Variants in IPO8 observed in about 807,000 individuals in gnomAD.
IPO8 encodes importin 8, also known as importin-8.
A neutral mutation model predicts 141.2 loss-of-function variants in IPO8; 65 were observed. The observed-to-expected ratio is 0.46, with a 90% CI of 0.38 to 0.57. The LOEUF is 0.57. Among genes scored for constraint, IPO8 ranks in the 20% least tolerant of loss-of-function variants. The pLI, the probability that IPO8 is intolerant of heterozygous loss-of-function variation, is 0.00. For missense variants in IPO8, 980 were observed against 1,246.8 expected, an observed-to-expected ratio of 0.79 and a Z score of 3.22; for synonymous variants, 411 against 420.3, an observed-to-expected ratio of 0.98 and a Z score of 0.27.
In IPO8 at chr12:30,674,847, C is replaced by A; in HGVS notation, c.730-94G>T. 3.6e-6 allele frequency: 3 copies of A among 830,834 alleles called. No individual in the cohort carries two copies. The South Asian group carries it at 4.1e-5, about 11-fold the overall frequency. The allele number at this position is 830,834 out of a possible 1,614,324, so 51.5% of individuals were successfully genotyped here. On this transcript the variant is annotated intron_variant, in intron 6 of 24. Coordinates refer to ENST00000256079, the MANE Select transcript of IPO8 (RefSeq NM_006390.4). ...AGATAAATCTTGATATAGGTTAAGT[C>A]ATATTAAATGTGAAGTTAGATTGCT...
At chr12:30,663,686 AT>A in intron 13 of IPO8, 32 bp from the exon 14 acceptor site, 1 of 1,522,126 alleles carries the variant, frequency 6.6e-7, no homozygotes, top group Non-Finnish European at 8.9e-7. Context: ...GTAGGGAGCT[AT>A]TAGGATTATA....
At chr12:30,656,138 G>A (rs2052796502) in intron 17 of IPO8, among the ~76,000 whole-genome samples, 1 of 152,216 alleles carries the variant, frequency 6.6e-6, no homozygotes, top group Admixed American at 6.5e-5. Flanking sequence ...CCAGGCTCAT[G>A]TGATCCTCCC....
chr12:30,663,946 C>A lies in IPO8; in HGVS notation c.1429-292G>T, dbSNP rs2052924484. 2.0e-5 allele frequency among the ~76,000 whole-genome samples: 3 copies of A among 152,150 alleles called. 1 individual carries two copies. In the South Asian group the frequency reaches 6.2e-4, roughly 32 times the overall value. ...TACGCTTTTAATAAATATTATAACTCATAATTAATTTGTTATATGTAAAAG... is the reference window on the plus strand; with the variant it reads ...TACGCTTTTAATAAATATTATAACTAATAATTAATTTGTTATATGTAAAAG... On this transcript the variant is annotated intron_variant, in intron 13 of 24. Coordinates refer to ENST00000256079, the MANE Select transcript of IPO8 (RefSeq NM_006390.4).
In IPO8 at chr12:30,655,501, A is replaced by G. The variant is rs371190926; in HGVS notation, c.1948+1183T>C. Among the ~76,000 whole-genome samples, 68 of 152,318 alleles carry G rather than the reference A, an allele frequency of 4.5e-4. 1 individual carries two copies. The highest frequency in any genetic ancestry group is 1.5e-3 in the African/African-American group (64 of 41,562). ...TTAGCAATTTTCAAGTATATAATACATGGTTACTAACTATGGTCACCATTT... is the reference window on the plus strand; with the variant it reads ...TTAGCAATTTTCAAGTATATAATACGTGGTTACTAACTATGGTCACCATTT... On this transcript the variant is annotated intron_variant, in intron 17 of 24. Coordinates refer to ENST00000256079, the MANE Select transcript of IPO8 (RefSeq NM_006390.4).
chr12:30,671,895 C>T lies in IPO8; in HGVS notation c.910-799G>A, dbSNP rs575499879. 3.9e-5 allele frequency among the ~76,000 whole-genome samples: 6 copies of T among 152,040 alleles called. No homozygotes were observed. In the South Asian group the frequency reaches 1.2e-3, roughly 32 times the overall value. ...TCCCTCAACTTCACACCAAAATAAA[C>T]TTCAGATGGGGAACTATTTTAACAC... On this transcript the variant is annotated intron_variant, in intron 8 of 24. Coordinates refer to ENST00000256079, the MANE Select transcript of IPO8 (RefSeq NM_006390.4).
At chr12:30,633,906 A>C (rs1166953303) in intron 23 of IPO8, among the ~76,000 whole-genome samples, 177 bp downstream of exon 23, 1 of 152,174 alleles carries the variant, frequency 6.6e-6, no homozygotes, top group Non-Finnish European at 1.5e-5. Context: ...TAGGTGTTTC[A>C]TTATTTTAAT....
chr12:30,656,985 C>T (rs1401653206), intron 16 of IPO8, among the ~76,000 whole-genome samples: 4 of 151,196 alleles, frequency 2.6e-5, no homozygotes, highest in African/African-American at 4.9e-5. Context: ...ATATTTTATA[C>T]CAAAATAAAT....
Position 30,653,491 on chromosome 12 carries a change from T to C in IPO8, c.1949-399A>G, listed in dbSNP as rs145132024. Among the ~76,000 whole-genome samples, 1,016 of 152,166 alleles carry C rather than the reference T, an allele frequency of 6.7e-3. 7 individuals carry two copies. The highest frequency in any genetic ancestry group is 0.023 in the African/African-American group (968 of 41,556). On this transcript the variant is annotated intron_variant, in intron 17 of 24. Coordinates refer to ENST00000256079, the MANE Select transcript of IPO8 (RefSeq NM_006390.4). ...TAATAATATTCTTTGGAGAGCTTAATTATATCAGACTAAAGTATCTACCTA... is the reference window on the plus strand; with the variant it reads ...TAATAATATTCTTTGGAGAGCTTAACTATATCAGACTAAAGTATCTACCTA...
In IPO8 at chr12:30,662,369, A is replaced by C; in HGVS notation, c.1713T>G (p.Ser571Arg). The change falls in exon 15 of 25, where the codon AGT (serine) becomes AGG (arginine). Residue 571 changes from serine (S) to arginine (R), a missense_variant. By Grantham distance (110) the Ser-to-Arg change is moderately radical (BLOSUM62 -1). This residue lies in a region of IPO8 where 924 missense variants were observed against 1,153.9 expected (regional missense o/e 0.80). Coordinates refer to ENST00000256079, the MANE Select transcript of IPO8 (RefSeq NM_006390.4). ...NVIQKMICEY[S>R]QEVASIAVDM... ...CAACAGCAATTGAGGCTACCTCTTG[A>C]CTGTATTCACATATCATCTTCTGGA... 6.2e-7 allele frequency: 1 copy of C among 1,613,872 alleles called. No homozygotes were observed. The highest frequency in any genetic ancestry group is 8.5e-7 in the Non-Finnish European group (1 of 1,179,898).
Position 30,671,083 on chromosome 12 carries a change from A to T in IPO8, c.923T>A (p.Ile308Asn). ...TTCTTTCTGTCTATATTGATCTAAA[A>T]TTTTTAGTAGCACCTATAAGAAAAC... ...AVGIQQVLLKILDQYRQKEYV... is the reference protein window; with the variant it reads ...AVGIQQVLLKNLDQYRQKEYV... The change falls in exon 9 of 25, where the codon ATT (isoleucine) becomes AAT (asparagine). Residue 308 changes from isoleucine to asparagine, a missense_variant. Ile to Asn is a moderately radical substitution (Grantham distance 149). Coordinates refer to ENST00000256079, the MANE Select transcript of IPO8 (RefSeq NM_006390.4). 1 of 1,595,808 alleles carries T rather than the reference A, an allele frequency of 6.3e-7. No homozygotes were observed. The highest frequency in any genetic ancestry group is 8.6e-7 in the Non-Finnish European group (1 of 1,163,884).
rs2053178242 is a variant in IPO8, at chr12:30,680,557, C to A, written c.564G>T (p.Gln188His). Residue 188 changes from glutamine to histidine, a missense_variant, in exon 5 of 25, where the codon CAG becomes CAT. Gln to His is a conservative substitution (Grantham distance 24, BLOSUM62 0). This residue lies in a region of IPO8 where 924 missense variants were observed against 1,153.9 expected (regional missense o/e 0.80). Coordinates refer to ENST00000256079, the MANE Select transcript of IPO8 (RefSeq NM_006390.4). ...FLPRIQQQIV[Q>H]LLPDSSYYSV... ...AATAATAGGAGGAATCAGGAAGGAG[C>A]TGAACAATTTGTTGCTGAATACGAG... 1 of 1,612,340 alleles carries A rather than the reference C, an allele frequency of 6.2e-7. No individual in the cohort carries two copies. The highest frequency in any genetic ancestry group is 2.2e-5 in the East Asian group (1 of 44,784).
At chr12:30,653,319 T>G (rs2052753866) in intron 17 of IPO8, among the ~76,000 whole-genome samples, 1 of 152,176 alleles carries the variant, frequency 6.6e-6, no homozygotes, top group Non-Finnish European at 1.5e-5. Flanking sequence ...AAAAATTTGT[T>G]TTCACTAAAC....
At chr12:30,641,963 G>C (rs1341503504) in intron 20 of IPO8, among the ~76,000 whole-genome samples, 1 of 152,162 alleles carries the variant, frequency 6.6e-6, no homozygotes, top group Non-Finnish European at 1.5e-5. Flanking sequence ...GGGAGGCTGA[G>C]ACAGGAGGAT....
At chr12:30,684,763 A>G (rs2053223208) in intron 2 of IPO8, among the ~76,000 whole-genome samples, 1 of 152,226 alleles carries the variant, frequency 6.6e-6, no homozygotes, top group Non-Finnish European at 1.5e-5. Flanking sequence ...ACTTTTCGCA[A>G]TGCCTAATTC....
At chr12:30,646,184 G>A (rs570961666) in intron 20 of IPO8, among the ~76,000 whole-genome samples, 1 of 152,258 alleles carries the variant, frequency 6.6e-6, no homozygotes, top group Non-Finnish European at 1.5e-5. Flanking sequence ...TTTATACCAG[G>A]AATGCAAGTT....
intron 20 of IPO8, among the ~76,000 whole-genome samples, chr12:30,648,593 C>A (rs2052680364): frequency 6.6e-6 from 1 of 151,982 alleles, no homozygotes; most frequent in African/African-American, 2.4e-5. Flanking sequence ...TAAAGCAAAA[C>A]TTACAGAAAA....
At chr12:30,691,026 TA>T (rs2053286635) in intron 1 of IPO8, among the ~76,000 whole-genome samples, 2 of 152,240 alleles carry the variant, frequency 1.3e-5, no homozygotes, top group South Asian at 4.1e-4. Context: ...TATCCTTTTG[TA>T]AATGGAGTAT....
At chr12:30,688,681 A>G (rs2053264952) in intron 2 of IPO8, 1 of 186,184 alleles carries the variant, frequency 5.4e-6, no homozygotes, top group African/African-American at 2.4e-5. Flanking sequence ...AATGCCTTTC[A>G]ATGCTGTTTA....
chr12:30,666,476 A>C (rs1363748155), intron 10 of IPO8, among the ~76,000 whole-genome samples: 1 of 152,180 alleles, frequency 6.6e-6, no homozygotes, highest in Non-Finnish European at 1.5e-5. Context: ...TCAAACTATT[A>C]TATTGAAGAA....
Sources: allele counts gnomAD v4.1 joint callset (sites outside exome capture counted in the v4.1 genomes callset), GRCh38; gene constraint gnomAD v4.1.1; regional missense constraint gnomAD v4.1.1; transcripts MANE v1.5; gene names NCBI Gene and HGNC (gene_info 2026-07-23, HGNC 2026-07-21).